Variants in DOK6 observed in about 807,000 individuals in gnomAD.
The protein encoded by DOK6 is docking protein 6.
A neutral mutation model predicts 44.0 loss-of-function variants in DOK6; 22 were observed. The ratio of observed to expected loss-of-function variants is 0.50; its 90% confidence interval spans 0.36 to 0.71. DOK6 has a LOEUF of 0.71. Ranked by LOEUF, DOK6 falls within the 30% of genes least tolerant of loss-of-function variation. DOK6 has a pLI of 0.00. For synonymous variants in DOK6, 166 were observed against 145.5 expected (o/e 1.14, Z -1.01); for missense variants, 340 against 416.4 (o/e 0.82, Z 1.60).
intron 1 of DOK6, among the ~76,000 whole-genome samples, chr18:69,455,288 G>C (rs1979603558): frequency 6.6e-6 from 1 of 152,030 alleles, no homozygotes; most frequent in African/African-American, 2.4e-5. Context: ...TATGCTTCTA[G>C]CAGTAATTGC....
intron 1 of DOK6, among the ~76,000 whole-genome samples, chr18:69,555,005 A>T (rs1040720638): frequency 6.6e-6 from 1 of 152,114 alleles, no homozygotes; most frequent in Non-Finnish European, 1.5e-5. Context: ...TTATTTACAT[A>T]TTCTGGATAT....
At chr18:69,497,445 A>G (rs1980924218) in intron 1 of DOK6, among the ~76,000 whole-genome samples, 1 of 152,078 alleles carries the variant, frequency 6.6e-6, no homozygotes, top group Non-Finnish European at 1.5e-5. Context: ...TTGAAAAGGG[A>G]GAATCGTTCA....
intron 4 of DOK6, among the ~76,000 whole-genome samples, chr18:69,681,729 A>T (rs965839588): frequency 6.6e-6 from 1 of 152,250 alleles, no homozygotes; most frequent in African/African-American, 2.4e-5. Flanking sequence ...AATATATGGC[A>T]TTACAGTTAT....
intron 1 of DOK6, among the ~76,000 whole-genome samples, chr18:69,496,127 A>T (rs191000164): frequency 2.0e-5 from 3 of 152,262 alleles, no homozygotes; most frequent in Admixed American, 2.0e-4. Context: ...TGACTTGGGC[A>T]TCTGCAGCTG....
intron 2 of DOK6, among the ~76,000 whole-genome samples, chr18:69,574,526 T>C (rs1189000526): frequency 6.6e-6 from 1 of 151,898 alleles, no homozygotes; most frequent in Non-Finnish European, 1.5e-5. Context: ...TTTGACAAAG[T>C]AAAATAATGG....
intron 2 of DOK6, among the ~76,000 whole-genome samples, chr18:69,580,915 A>C (rs1983354096): frequency 6.6e-6 from 1 of 152,132 alleles, no homozygotes; most frequent in African/African-American, 2.4e-5. Flanking sequence ...ACATGCAGTG[A>C]GAACGTGTGG....
chr18:69,813,610 T>A (rs1981309041), intron 7 of DOK6, among the ~76,000 whole-genome samples: 1 of 152,154 alleles, frequency 6.6e-6, no homozygotes, highest in Non-Finnish European at 1.5e-5. Context: ...TGCATTTTTT[T>A]AATAAGCAAG....
chr18:69,408,897 T>G (rs1216029895), intron 1 of DOK6, among the ~76,000 whole-genome samples: 1 of 152,332 alleles, frequency 6.6e-6, no homozygotes, highest in Non-Finnish European at 1.5e-5. Context: ...ACTATTAATT[T>G]TTTAAGTTGC....
At chr18:69,497,577 T>A (rs949006607) in intron 1 of DOK6, among the ~76,000 whole-genome samples, 1 of 152,204 alleles carries the variant, frequency 6.6e-6, no homozygotes, top group Non-Finnish European at 1.5e-5. Context: ...GTTACTAATT[T>A]ATGAACTCCA....
Position 69,606,383 on chromosome 18 carries a change from C to CGT in DOK6, c.289+6886_289+6887dup, listed in dbSNP as rs541424634. 2.1e-3 allele frequency among the ~76,000 whole-genome samples: 314 copies of CGT among 151,576 alleles called. 4 individuals are homozygous for CGT. Among genetic ancestry groups the CGT allele is most frequent in the African/African-American group, 7.4e-3 (307 of 41,282 alleles). On this transcript the variant is annotated intron_variant, in intron 3 of 7. Coordinates refer to ENST00000382713, the MANE Select transcript of DOK6 (RefSeq NM_152721.6). ...AAGAAAGACAACTCTCAATAAAATA[C>CGT]GTATAAAAGGAACAAACTTCAACAG... is the stretch of plus-strand genomic sequence containing the variant.
chr18:69,794,295 T>C (rs1024193342), intron 7 of DOK6, among the ~76,000 whole-genome samples: 2 of 152,170 alleles, frequency 1.3e-5, no homozygotes, highest in Non-Finnish European at 2.9e-5. Context: ...GTATCTGCCT[T>C]TTGCACTGTT....
chr18:69,463,409 C>T (rs1483513128), intron 1 of DOK6, among the ~76,000 whole-genome samples: 1 of 152,170 alleles, frequency 6.6e-6, no homozygotes, highest in African/African-American at 2.4e-5. Flanking sequence ...CAGCCCTTGG[C>T]ATTTGGAGAT....
intron 5 of DOK6, among the ~76,000 whole-genome samples, chr18:69,714,251 A>C (rs1008804400): frequency 6.6e-6 from 1 of 152,194 alleles, no homozygotes; most frequent in African/African-American, 2.4e-5. Context: ...TACAGTTGGG[A>C]TATTAAATAG....
rs77618066 is a variant in DOK6, at chr18:69,633,513, G to T, written c.289+34015G>T. ...ATACATATCTTGCAACCAAGGTCTAGCTTATAAGTTATTTTTGCCGTAGTT... is the reference window on the plus strand; with the variant it reads ...ATACATATCTTGCAACCAAGGTCTATCTTATAAGTTATTTTTGCCGTAGTT... On this transcript the variant is annotated intron_variant, in intron 3 of 7. Coordinates refer to ENST00000382713, the MANE Select transcript of DOK6 (RefSeq NM_152721.6). Among the ~76,000 whole-genome samples the T allele has an allele frequency of 6.0e-3, 921 of 152,234 alleles. 10 individuals carry two copies. The highest frequency in any genetic ancestry group is 0.021 in the African/African-American group (883 of 41,534).
chr18:69,617,357 A>AT, intron 3 of DOK6, among the ~76,000 whole-genome samples: 1 of 151,584 alleles, frequency 6.6e-6, no homozygotes, highest in African/African-American at 2.4e-5. Flanking sequence ...AGAGAAAGAA[A>AT]GGAAAAGACT....
intron 1 of DOK6, among the ~76,000 whole-genome samples, chr18:69,463,172 T>C (rs1033040313): frequency 2.0e-5 from 3 of 152,094 alleles, no homozygotes; most frequent in African/African-American, 7.2e-5. Context: ...GTCCTCGCCA[T>C]GGTGGAAGGG....
At chr18:69,794,207 C>T (rs898131482) in intron 7 of DOK6, among the ~76,000 whole-genome samples, 11 of 152,098 alleles carry the variant, frequency 7.2e-5, no homozygotes, top group African/African-American at 2.7e-4. Flanking sequence ...GTCTTCCCTC[C>T]CAAGCATCCC....
At chr18:69,581,363 A>G (rs1437498917) in intron 2 of DOK6, among the ~76,000 whole-genome samples, 1 of 152,238 alleles carries the variant, frequency 6.6e-6, no homozygotes, top group Admixed American at 6.5e-5. Context: ...AACTTTACTC[A>G]AAAAAGCTCA....
intron 1 of DOK6, among the ~76,000 whole-genome samples, chr18:69,466,369 AT>A (rs1164135160): frequency 6.6e-6 from 1 of 152,176 alleles, no homozygotes; most frequent in African/African-American, 2.4e-5. Flanking sequence ...GCTCAATAAT[AT>A]TCCACTGTAC....
Sources: allele counts gnomAD v4.1 joint callset (sites outside exome capture counted in the v4.1 genomes callset), GRCh38; gene constraint gnomAD v4.1.1; transcripts MANE v1.5; gene names NCBI Gene and HGNC (gene_info 2026-07-23, HGNC 2026-07-21).